Variants in PKIB observed in about 807,000 individuals in gnomAD.
The protein encoded by PKIB is PKI-beta.
Under a neutral mutation model 4.5 loss-of-function variants are expected in PKIB, and 2 were observed. The observed-to-expected ratio is 0.44, with a 90% CI of 0.18 to 1.39. PKIB has a LOEUF of 1.39. PKIB is among the 40% of genes most tolerant of loss of function. The probability of loss-of-function intolerance (pLI) is 0.27; values close to 1 mark genes in which losing one functional copy is unlikely to be tolerated. For synonymous variants in PKIB, 38 were observed against 36.0 expected (o/e 1.06, Z -0.20); for missense variants, 94 against 92.6 (o/e 1.02, Z -0.06).
chr6:122,496,589 G>T (rs1776082606), intron 2 of PKIB, among the ~76,000 whole-genome samples: 1 of 152,128 alleles, frequency 6.6e-6, no homozygotes, highest in African/African-American at 2.4e-5. Flanking sequence ...AAATACAATT[G>T]AAAGTTTTAT....
At chr6:122,514,601 A>C (rs1283331894) in intron 2 of PKIB, among the ~76,000 whole-genome samples, 1 of 152,254 alleles carries the variant, frequency 6.6e-6, no homozygotes, top group Non-Finnish European at 1.5e-5. Context: ...TATTTATCAG[A>C]ATATAAGAGG....
At chr6:122,542,325 T>A (rs1391932793) in intron 2 of PKIB, among the ~76,000 whole-genome samples, 2 of 152,064 alleles carry the variant, frequency 1.3e-5, no homozygotes, top group Non-Finnish European at 2.9e-5. Flanking sequence ...TATCTACTTT[T>A]GGTCTTTGAT....
At chr6:122,649,670 A>G (rs1029587596) in intron 2 of PKIB, among the ~76,000 whole-genome samples, 5 of 152,296 alleles carry the variant, frequency 3.3e-5, no homozygotes, top group African/African-American at 1.2e-4. Flanking sequence ...GGTGGGTCAG[A>G]CAACAACCAT....
chr6:122,619,553 C>T (rs74750216), intron 1 of PKIB, among the ~76,000 whole-genome samples: 2 of 152,180 alleles, frequency 1.3e-5, no homozygotes, highest in East Asian at 1.9e-4. Flanking sequence ...TGTTAGAATG[C>T]GTTAGAATGC....
At chr6:122,703,400 A>G (rs1778913723) in intron 3 of PKIB, among the ~76,000 whole-genome samples, 1 of 152,166 alleles carries the variant, frequency 6.6e-6, no homozygotes, top group Non-Finnish European at 1.5e-5. Context: ...CCCACAGAAA[A>G]AAGACTGAAA....
At chr6:122,620,118 C>T (rs1169872829) in intron 1 of PKIB, among the ~76,000 whole-genome samples, 2 of 152,164 alleles carry the variant, frequency 1.3e-5, no homozygotes, top group Non-Finnish European at 2.9e-5. Flanking sequence ...ATACTCACTT[C>T]CGCTCCTTTG....
intron 2 of PKIB, among the ~76,000 whole-genome samples, chr6:122,577,049 A>C (rs901463479): frequency 1.3e-5 from 2 of 152,184 alleles, no homozygotes; most frequent in African/African-American, 4.8e-5. Context: ...TGCGCCATAC[A>C]TGATGACTCT....
At chr6:122,529,536 G>A (rs1019801453) in intron 2 of PKIB, among the ~76,000 whole-genome samples, 16 of 152,102 alleles carry the variant, frequency 1.1e-4, no homozygotes, top group African/African-American at 3.9e-4. Flanking sequence ...TTCACATCGT[G>A]TCAAATGGCT....
chr6:122,630,167 C>CCACTTCTGTGTATATATATA (rs1775638437), intron 1 of PKIB, among the ~76,000 whole-genome samples: 1 of 152,020 alleles, frequency 6.6e-6, no homozygotes, highest in Admixed American at 6.6e-5. Flanking sequence ...CCTAGCAATT[C>CCACTTCTGTGTATATATATA]CACTTCTGTG....
intron 2 of PKIB, among the ~76,000 whole-genome samples, chr6:122,659,737 G>A (rs910597795): frequency 6.6e-6 from 1 of 152,108 alleles, no homozygotes; most frequent in African/African-American, 2.4e-5. Context: ...CGGTAAAGTT[G>A]CCTATGTGTA....
In PKIB at chr6:122,503,122, G is replaced by T. The variant is rs553387097; in HGVS notation, c.-248+25183G>T. On this transcript the variant is annotated intron_variant, in intron 2 of 6. Coordinates refer to the PKIB transcript ENST00000392491. ...AAGGACACTAATTCTATTCAGGAGG[G>T]CTCCACCTTAATGACCTCATCTAAT... Among the ~76,000 whole-genome samples the T allele has an allele frequency of 2.0e-5, 3 of 152,240 alleles. No homozygotes were observed. The South Asian group carries it at 6.2e-4, about 32-fold the overall frequency.
At chr6:122,632,417 C>T (rs1400123354) in intron 1 of PKIB, among the ~76,000 whole-genome samples, 1 of 152,118 alleles carries the variant, frequency 6.6e-6, no homozygotes, top group African/African-American at 2.4e-5. Context: ...TATGTGTCTG[C>T]TCAAATATGT....
At chr6:122,629,863 A>C (rs1775622862) in intron 1 of PKIB, among the ~76,000 whole-genome samples, 1 of 152,206 alleles carries the variant, frequency 6.6e-6, no homozygotes, top group Admixed American at 6.5e-5. Context: ...TGTCACAGTA[A>C]AAAGGAAACA....
At position 122,521,614 on chromosome 6, in the gene PKIB, A is replaced by G. The variant is rs1166738174; in HGVS notation, c.-248+43675A>G. On this transcript the variant is annotated intron_variant, in intron 2 of 6. Coordinates refer to the PKIB transcript ENST00000392491. ...AGAATGGCATGAACACAGGAGGCGG[A>G]GCTTGCAGTGAGCTGAGATCAGGCC... 3.9e-5 allele frequency among the ~76,000 whole-genome samples: 6 copies of G among 152,078 alleles called. No homozygotes were observed. In the East Asian group the frequency reaches 1.2e-3, roughly 29 times the overall value.
In PKIB at chr6:122,574,885, AAAAT is replaced by A. The variant is rs1773481725; in HGVS notation, c.-247-11029_-247-11026del. On this transcript the variant is annotated intron_variant, in intron 2 of 6. Transcript: ENST00000392491. ...CCCAAAAACAAATGCAACCAAGTGA[AAAAT>A]AAATAAGTGTGACCTACTTAAACTA... 2.0e-5 allele frequency among the ~76,000 whole-genome samples: 3 copies of A among 152,222 alleles called. No individual in the cohort carries two copies. In the East Asian group the frequency reaches 5.8e-4, roughly 29 times the overall value.
intron 4 of PKIB, among the ~76,000 whole-genome samples, chr6:122,721,529 A>T (rs1407424229): frequency 6.6e-6 from 1 of 152,096 alleles, no homozygotes; most frequent in Non-Finnish European, 1.5e-5. Context: ...TCTCTCATTT[A>T]TTTGGCCATC....
intron 2 of PKIB, among the ~76,000 whole-genome samples, chr6:122,575,520 C>T (rs969809514): frequency 3.3e-5 from 5 of 151,864 alleles, no homozygotes; most frequent in African/African-American, 4.8e-5. Context: ...CCAACCTAAG[C>T]GCCCATTGAC....
chr6:122,722,010 ACT>A (rs1281290333), intron 4 of PKIB, among the ~76,000 whole-genome samples: 2 of 152,096 alleles, frequency 1.3e-5, no homozygotes, highest in Non-Finnish European at 2.9e-5. Flanking sequence ...TTGATGTTGC[ACT>A]CTCAGAGAAA....
At chr6:122,690,133 T>A (rs904115680) in intron 3 of PKIB, among the ~76,000 whole-genome samples, 14 of 152,064 alleles carry the variant, frequency 9.2e-5, no homozygotes, top group Admixed American at 8.5e-4. Flanking sequence ...TCTGTCTGTG[T>A]GTGTCTTTGT....
Sources: gnomAD v4.1 joint callset for allele counts (sites outside exome capture counted in the v4.1 genomes callset) on GRCh38, gnomAD v4.1.1 for gene constraint, MANE v1.5 for transcripts, NCBI Gene and HGNC (gene_info 2026-07-23, HGNC 2026-07-21) for gene names.